TRNP1: variants seen among roughly 807,000 people sequenced by gnomAD.
TRNP1 encodes the protein TMF1 regulated nuclear protein 1.
TRNP1 carries 16 observed loss-of-function variants against 12.2 expected under a neutral mutation model. The ratio of observed to expected loss-of-function variants is 1.31; its 90% CI spans 0.89 to 1.99. TRNP1 has a LOEUF of 1.99. Among genes scored for constraint, TRNP1 ranks in the 30% most tolerant of loss-of-function variants. The probability of loss-of-function intolerance (pLI) is 0.00; values close to 1 mark genes in which losing one functional copy is unlikely to be tolerated. For synonymous variants in TRNP1, 139 were observed against 166.2 expected, an observed-to-expected ratio of 0.84 and a Z score of 1.26; for missense variants, 338 against 330.4, an observed-to-expected ratio of 1.02 and a Z score of -0.18.
intron 1 of TRNP1, among the ~76,000 whole-genome samples, chr1:26,995,882 G>A (rs1393898280): frequency 6.6e-6 from 1 of 152,138 alleles, no homozygotes; most frequent in Non-Finnish European, 1.5e-5. Flanking sequence ...TGTCCGCTTC[G>A]GCCTCCCAAA....
rs2082529891 is a variant in TRNP1 at position 26,993,850 on chromosome 1, T to TCGC, written c.75_77dup (p.Pro26dup). The TCGC allele has an allele frequency of 8.1e-6, 11 of 1,353,068 alleles. No individual in the cohort carries two copies. Among genetic ancestry groups the TCGC allele is most frequent in the South Asian group, 3.7e-5 (2 of 54,664 alleles). The allele number at this position is 1,353,068 out of a possible 1,614,324, so 83.8% of individuals were successfully genotyped here. A position where few individuals can be genotyped will look rare whatever the true frequency, so the allele number is the denominator to read the frequency against. ...CCAGGAGGGGACGGCAGAGCAGAGG[T>TCGC]CGCCGCCGCCGCCCTGGGATCCCAT... is the stretch of plus-strand genomic sequence containing the variant. On this transcript the variant is annotated inframe_insertion, in exon 1 of 2. Coordinates refer to ENST00000522111, the MANE Select transcript of TRNP1 (RefSeq NM_001013642.3).
In TRNP1 at chr1:26,994,185, T is replaced by G. The variant is rs2082533137; in HGVS notation, c.399T>G (p.Val133=). ...LESRVLQLHR[V]FLAAELRLAH... Reference sequence around the variant, plus strand: ...GCCGCGTGCTGCAGCTGCACCGCGTTTTCTTGGCGGCCGAGCTGCGCCTGG... The same window carrying G: ...GCCGCGTGCTGCAGCTGCACCGCGTGTTCTTGGCGGCCGAGCTGCGCCTGG... Residue 133 remains valine, a synonymous_variant, in exon 1 of 2, where the codon GTT becomes GTG. Coordinates refer to ENST00000522111, the MANE Select transcript of TRNP1 (RefSeq NM_001013642.3). The surrounding 1 kb of genome is among the most constrained non-coding windows in gnomAD (Gnocchi z 6.9). The G allele has an allele frequency of 2.3e-6, 3 of 1,299,020 alleles. No homozygotes were observed. The highest frequency in any genetic ancestry group is 2.9e-6 in the Non-Finnish European group (3 of 1,018,736). 80.5% of individuals were successfully genotyped at this position (1,299,020 alleles called of 1,614,324 possible).
At position 26,999,984 on chromosome 1, in the gene TRNP1, C is replaced by T. The variant is rs577570516; in HGVS notation, c.*280C>T. Reference sequence around the variant, plus strand: ...GCGCCCTCCTCACAGGAGCCTTTCACTTTACAGTGGCAAGGGGCTGGTTCT... The same window carrying T: ...GCGCCCTCCTCACAGGAGCCTTTCATTTTACAGTGGCAAGGGGCTGGTTCT... On this transcript the variant is annotated 3_prime_UTR_variant, in exon 2 of 2. Transcript: ENST00000522111. The T allele has an allele frequency of 6.6e-6, 1 of 152,338 alleles. No individual in the cohort carries two copies. The highest frequency in any genetic ancestry group is 2.4e-5 in the African/African-American group (1 of 41,562). The allele number at this position is 152,338 out of a possible 1,614,324, so 9.4% of individuals were successfully genotyped here.
In TRNP1 at chr1:26,994,130, G is replaced by T; in HGVS notation, c.344G>T (p.Gly115Val). The stretch of plus-strand genomic sequence containing the variant: ...CGGCGGCGGCTGCTGGAGGTGGAGG[G>T]CCGCCGGCGCCTGGTGTCGGAGCTG... ...EARRRLLEVEGRRRLVSELES... is the reference protein window; with the variant it reads ...EARRRLLEVEVRRRLVSELES... Residue 115 changes from glycine (G) to valine (V), a missense_variant, in exon 1 of 2, where the codon GGC becomes GTC. Transcript: ENST00000522111. This position sits in a 1 kb window ranked among gnomAD's most constrained non-coding sequence, Gnocchi z 6.9. The T allele has an allele frequency of 8.1e-7, 1 of 1,237,422 alleles. No homozygotes were observed. The highest frequency in any genetic ancestry group is 3.0e-5 in the South Asian group (1 of 33,042). The allele number at this position is 1,237,422 out of a possible 1,614,324, so 76.7% of individuals were successfully genotyped here. A position where few individuals can be genotyped will look rare whatever the true frequency, so the allele number is the denominator to read the frequency against.
At chr1:26,997,318 GAAAAAAAAAAA>G (rs3028529) in intron 1 of TRNP1, among the ~76,000 whole-genome samples, 1 of 81,844 alleles carries the variant, frequency 1.2e-5, no homozygotes, top group Non-Finnish European at 2.2e-5. Flanking sequence ...TGTGTCTCAA[GAAAAAAAAAAA>G]AAAAAAAAAA....
chr1:26,998,294 G>C (rs1014257143), intron 1 of TRNP1, among the ~76,000 whole-genome samples: 1 of 152,168 alleles, frequency 6.6e-6, no homozygotes, highest in East Asian at 1.9e-4. Context: ...AGACCCATTA[G>C]GAAAGACTTC....
chr1:26,993,979 G>A lies in TRNP1; in HGVS notation c.193G>A (p.Ala65Thr). 2 of 1,315,982 alleles carry A rather than the reference G, an allele frequency of 1.5e-6. No homozygotes were observed. The highest frequency in any genetic ancestry group is 1.9e-6 in the Non-Finnish European group (2 of 1,035,580). 81.5% of individuals were successfully genotyped at this position (1,315,982 alleles called of 1,614,324 possible). The stretch of plus-strand genomic sequence containing the variant: ...CGCAGCTGGGGCTTCAGCAGGCGCG[G>A]CCGAGGACCAGGAGCTGCAGCGCTG... Reference protein sequence around the residue: ...PDAAGASAGAAEDQELQRWRQ... With the variant: ...PDAAGASAGATEDQELQRWRQ... Residue 65 changes from alanine to threonine, a missense_variant, in exon 1 of 2, where the codon GCC (alanine) becomes ACC (threonine). Coordinates refer to ENST00000522111, the MANE Select transcript of TRNP1 (RefSeq NM_001013642.3).
In TRNP1 at chr1:26,993,695, G is replaced by A; in HGVS notation, c.-92G>A. On this transcript the variant is annotated 5_prime_UTR_variant, in exon 1 of 2. In the 5' UTR this introduces an upstream ATG that the reference lacks. Transcript: ENST00000522111. ...CGCGGACGGCGGGCGCGCCTCTGGG[G>A]TGGGGGCTGTGGCCGTGTCTAGCTG... 1.4e-5 allele frequency: 17 copies of A among 1,234,888 alleles called. No homozygotes were observed. Among genetic ancestry groups the A allele is most frequent in the Non-Finnish European group, 1.7e-5 (17 of 989,318 alleles). The allele number at this position is 1,234,888 out of a possible 1,614,324, so 76.5% of individuals were successfully genotyped here.
rs2082530668 is a variant in TRNP1 at position 26,993,904 on chromosome 1, C to G, written c.118C>G (p.Pro40Ala). ...GTCCTCTCAGCCCCCGCCCCCAACT[C>G]CGACCTTGACTCCTACCCCGACCCC... ...MPSSQPPPPT[P>A]TLTPTPTPGQ... The change falls in exon 1 of 2, where the codon CCG (proline) becomes GCG (alanine). Residue 40 changes from proline (P) to alanine (A), a missense_variant. By Grantham distance (27) the Pro-to-Ala change is conservative (BLOSUM62 -1). Transcript: ENST00000522111. The G allele has an allele frequency of 1.4e-6, 2 of 1,381,226 alleles. No homozygotes were observed. The highest frequency in any genetic ancestry group is 6.1e-5 in the East Asian group (2 of 32,748). 85.6% of individuals were successfully genotyped at this position (1,381,226 alleles called of 1,614,324 possible). A position where few individuals can be genotyped will look rare whatever the true frequency, so the allele number is the denominator to read the frequency against.
chr1:26,996,576 G>C (rs2082546274), intron 1 of TRNP1, among the ~76,000 whole-genome samples: 1 of 152,186 alleles, frequency 6.6e-6, no homozygotes, highest in Non-Finnish European at 1.5e-5. Flanking sequence ...ATCTTGGAAA[G>C]AGCTGAGCTC....
intron 1 of TRNP1, among the ~76,000 whole-genome samples, chr1:26,997,317 A>AG (rs1491455826): frequency 1.8e-5 from 2 of 108,972 alleles, no homozygotes; most frequent in South Asian, 5.2e-4. Context: ...CTGTGTCTCA[A>AG]GAAAAAAAAA....
rs964263330 is a variant in TRNP1, at chr1:26,994,059, CGCGGCT to C, written c.278_283del (p.Ala93_Ala94del). 29 of 1,222,638 alleles carry C rather than the reference CGCGGCT, an allele frequency of 2.4e-5. No individual in the cohort carries two copies. In the African/African-American group the frequency reaches 3.8e-4, roughly 16 times the overall value. The allele number at this position is 1,222,638 out of a possible 1,614,324, so 75.7% of individuals were successfully genotyped here. A position where few individuals can be genotyped will look rare whatever the true frequency, so the allele number is the denominator to read the frequency against. ...TCGCCGGCCCCGGAGGGGGCTCTGG[CGCGGCT>C]GCGGGGGCGGGGGGCCGCGCGCTGG... On this transcript the variant is annotated inframe_deletion, in exon 1 of 2. Transcript: ENST00000522111. This position sits in a 1 kb window ranked among gnomAD's most constrained non-coding sequence, Gnocchi z 6.9.
Position 26,994,101 on chromosome 1 carries a change from A to G in TRNP1, c.315A>G (p.Glu105=). Residue 105 remains glutamate (E), a synonymous_variant, in exon 1 of 2, where the codon GAA becomes GAG. Coordinates refer to ENST00000522111, the MANE Select transcript of TRNP1 (RefSeq NM_001013642.3). The surrounding 1 kb of genome is among the most constrained non-coding windows in gnomAD (Gnocchi z 6.9). ...GGGGCCGCGCGCTGGAGCTGGCCGA[A>G]GCACGGCGGCGGCTGCTGGAGGTGG... ...GAGGRALELA[E]ARRRLLEVEG... is the part of the protein sequence containing the mutation. The G allele has an allele frequency of 8.2e-7, 1 of 1,218,334 alleles. No individual in the cohort carries two copies. The highest frequency in any genetic ancestry group is 1.6e-5 in the African/African-American group (1 of 63,294). The allele number at this position is 1,218,334 out of a possible 1,614,324, so 75.5% of individuals were successfully genotyped here. A position where few individuals can be genotyped will look rare whatever the true frequency, so the allele number is the denominator to read the frequency against.
At position 27,000,475 on chromosome 1, in the gene TRNP1, A is replaced by G. The variant is rs2082567096; in HGVS notation, c.*771A>G. 6.6e-6 allele frequency: 1 copy of G among 152,590 alleles called. No individual in the cohort carries two copies. The allele number at this position is 152,590 out of a possible 1,614,324, so 9.5% of individuals were successfully genotyped here. The stretch of plus-strand genomic sequence containing the variant: ...CAGGAAGAGGTGATGGCAATGTAAA[A>G]CATCTAAGCAAAGTTTTAAATGAAA... On this transcript the variant is annotated 3_prime_UTR_variant, in exon 2 of 2. Transcript: ENST00000522111.
intron 1 of TRNP1, among the ~76,000 whole-genome samples, chr1:26,999,170 T>C (rs777677249): frequency 2.6e-5 from 4 of 152,084 alleles, no homozygotes; most frequent in Admixed American, 6.5e-5. Flanking sequence ...GAGGGCTGCC[T>C]CCTCTCCCTG....
intron 1 of TRNP1, among the ~76,000 whole-genome samples, chr1:26,998,186 A>G (rs1394816227): frequency 2.0e-5 from 3 of 151,538 alleles, no homozygotes; most frequent in South Asian, 2.1e-4. Flanking sequence ...GATCGAGACC[A>G]TCGTGACTAA....
chr1:26,995,473 T>C (rs2082540694), intron 1 of TRNP1, among the ~76,000 whole-genome samples: 1 of 152,234 alleles, frequency 6.6e-6, no homozygotes, highest in South Asian at 2.1e-4. Context: ...GTGAATGACC[T>C]GGCTACCACA....
Position 26,994,258 on chromosome 1 carries a change from G to A in TRNP1, c.472G>A (p.Ala158Thr). ...CCGCCTGAGCGGCGGCGTGGCGCAG[G>A]CCGAGCTCTACCTGGCGGCTCACGG... is the stretch of plus-strand genomic sequence containing the variant. ...LSRLSGGVAQ[A>T]ELYLAAHGSR... Residue 158 changes from alanine (A) to threonine (T), a missense_variant, in exon 1 of 2, where the codon GCC (alanine) becomes ACC (threonine). Physicochemically the swap from Ala to Thr is moderately conservative, Grantham distance 58. Coordinates refer to ENST00000522111, the MANE Select transcript of TRNP1 (RefSeq NM_001013642.3). This position sits in a 1 kb window ranked among gnomAD's most constrained non-coding sequence, Gnocchi z 6.9. The A allele has an allele frequency of 2.5e-6, 3 of 1,208,880 alleles. No homozygotes were observed. The highest frequency in any genetic ancestry group is 3.1e-6 in the Non-Finnish European group (3 of 971,824). The allele number at this position is 1,208,880 out of a possible 1,614,324, so 74.9% of individuals were successfully genotyped here. A position where few individuals can be genotyped will look rare whatever the true frequency, so the allele number is the denominator to read the frequency against.
rs1272615924 is a variant in TRNP1 at position 26,994,592 on chromosome 1, G to A, written c.*122G>A. ...CAGGAAGAGGCAGTTGGGGGCCAGG[G>A]GCCCAGTAGAGGAGGCTGAGGTGCG... On this transcript the variant is annotated 3_prime_UTR_variant, in exon 1 of 2. Coordinates refer to ENST00000522111, the MANE Select transcript of TRNP1 (RefSeq NM_001013642.3). The surrounding 1 kb of genome is among the most constrained non-coding windows in gnomAD (Gnocchi z 6.9). 9.2e-6 allele frequency: 7 copies of A among 763,284 alleles called. No homozygotes were observed. The highest frequency in any genetic ancestry group is 6.5e-6 in the Non-Finnish European group (4 of 613,874). 47.3% of individuals were successfully genotyped at this position (763,284 alleles called of 1,614,324 possible).
Sources: gnomAD v4.1 joint callset for allele counts (sites outside exome capture counted in the v4.1 genomes callset) on GRCh38, gnomAD v4.1.1 for gene constraint, Gnocchi (gnomAD v3.1) non-coding constraint, MANE v1.5 for transcripts, NCBI Gene and HGNC (gene_info 2026-07-23, HGNC 2026-07-21) for gene names.